DMWD: variants seen among roughly 807,000 people sequenced by gnomAD.
DMWD encodes DM1 locus, WD repeat containing.
Under a neutral mutation model 45.8 loss-of-function variants are expected in DMWD, and 19 were observed. That is an observed-to-expected ratio of 0.41 (90% CI 0.29 to 0.61). The LOEUF (loss-of-function observed/expected upper bound fraction) is 0.61, where lower values mean the gene tolerates loss of function less well. DMWD is among the 20% of genes least tolerant of loss of function. DMWD has a pLI of 0.25. For synonymous variants in DMWD, 515 were observed against 440.5 expected (o/e 1.17, Z -2.12); for missense variants, 802 against 965.2 (o/e 0.83, Z 2.24).
In DMWD at chr19:45,792,529, G is replaced by A. The variant is rs987882622; in HGVS notation, c.228C>T (p.Pro76=). The A allele has an allele frequency of 1.8e-6, 2 of 1,138,740 alleles. No homozygotes were observed. Among genetic ancestry groups the A allele is most frequent in the African/African-American group, 1.7e-5 (1 of 60,440 alleles). The allele number at this position is 1,138,740 out of a possible 1,614,324, so 70.5% of individuals were successfully genotyped here. A position where few individuals can be genotyped will look rare whatever the true frequency, so the allele number is the denominator to read the frequency against. Residue 76 remains proline (P), a synonymous_variant, in exon 1 of 5, where the codon CCC becomes CCT. Transcript: ENST00000270223. ...ASASGPGAAG[P]ASSPPPAGPG... ...GGCCTGCGGGCGGCGGGGACGACGC[G>A]GGGCCTGCAGCGCCGGGACCGGAGG... is the stretch of plus-strand genomic sequence containing the variant.
rs1353690980 is a variant in DMWD, at chr19:45,783,689, C to G, written c.*554G>C. ...TGCCTAGAACCACAGAGTACACACA[C>G]AGGTCCTCTACATCATCTCCTCCGA... is the stretch of plus-strand genomic sequence containing the variant. On this transcript the variant is annotated 3_prime_UTR_variant, in exon 5 of 5. Transcript: ENST00000270223. 4.7e-6 allele frequency: 2 copies of G among 421,204 alleles called. No homozygotes were observed. Among genetic ancestry groups the G allele is most frequent in the Non-Finnish European group, 8.3e-6 (2 of 241,288 alleles). The allele number at this position is 421,204 out of a possible 1,614,324, so 26.1% of individuals were successfully genotyped here.
Position 45,783,376 on chromosome 19 carries a change from A to C in DMWD, c.*867T>G, listed in dbSNP as rs1970210082. ...GGCCTTGAGAGGGCCAGGCCTGAGAAACTAGGAGGCAAGGACCGAGGAGTC... is the reference window on the plus strand; with the variant it reads ...GGCCTTGAGAGGGCCAGGCCTGAGACACTAGGAGGCAAGGACCGAGGAGTC... On this transcript the variant is annotated 3_prime_UTR_variant, in exon 5 of 5. Transcript: ENST00000270223. 2.6e-6 allele frequency: 1 copy of C among 390,186 alleles called. No individual in the cohort carries two copies. The highest frequency in any genetic ancestry group is 4.5e-5 in the Admixed American group (1 of 22,414). 24.2% of individuals were successfully genotyped at this position (390,186 alleles called of 1,614,324 possible).
At chr19:45,792,062 C>T (rs1183208166) in intron 1 of DMWD, among the ~76,000 whole-genome samples, 1 of 152,124 alleles carries the variant, frequency 6.6e-6, no homozygotes, top group Non-Finnish European at 1.5e-5. Flanking sequence ...CCAATAGTCA[C>T]CATCCCAGAA....
At position 45,784,729 on chromosome 19, in the gene DMWD, G is replaced by A. The variant is rs998168523; in HGVS notation, c.1903-14C>T. On this transcript the variant is annotated splice_polypyrimidine_tract_variant and intron_variant, in intron 3 of 4. Coordinates refer to ENST00000270223, the MANE Select transcript of DMWD (RefSeq NM_004943.2). ...CTCGTCTGTGAACTACGGAGACAGAGGGGTCTCTTTTAGGACTCAACCAGA... is the reference window on the plus strand; with the variant it reads ...CTCGTCTGTGAACTACGGAGACAGAAGGGTCTCTTTTAGGACTCAACCAGA... The A allele has an allele frequency of 1.2e-6, 2 of 1,612,860 alleles. No homozygotes were observed. Among genetic ancestry groups the A allele is most frequent in the Non-Finnish European group, 1.7e-6 (2 of 1,179,308 alleles).
At position 45,784,178 on chromosome 19, in the gene DMWD, C is replaced by A; in HGVS notation, c.*65G>T. ...TTGTTAATACGTTGATCTGTGAGGT[C>A]AGCAGGGAGGGTTATGGCTAGGAGG... is the stretch of plus-strand genomic sequence containing the variant. On this transcript the variant is annotated 3_prime_UTR_variant, in exon 5 of 5. Coordinates refer to ENST00000270223, the MANE Select transcript of DMWD (RefSeq NM_004943.2). 7.2e-7 allele frequency: 1 copy of A among 1,393,842 alleles called. No individual in the cohort carries two copies. Among genetic ancestry groups the A allele is most frequent in the South Asian group, 1.2e-5 (1 of 83,922 alleles). 86.3% of individuals were successfully genotyped at this position (1,393,842 alleles called of 1,614,324 possible). A position where few individuals can be genotyped will look rare whatever the true frequency, so the allele number is the denominator to read the frequency against.
chr19:45,789,391 T>C (rs73044299), intron 2 of DMWD: 3,917 of 152,296 alleles, frequency 0.026, 86 homozygotes, highest in Non-Finnish European at 0.04. Context: ...CCAAGAGCAG[T>C]CCCTGCCCGC....
intron 3 of DMWD, chr19:45,785,346 T>A (rs554141911): frequency 8.1e-7 from 1 of 1,230,254 alleles, no homozygotes; most frequent in African/African-American, 1.6e-5. Flanking sequence ...ACGGCCAGCC[T>A]TGGATGCCCC....
intron 3 of DMWD, 110 bp downstream of exon 3, chr19:45,785,484 C>T (rs1307051093): frequency 2.1e-6 from 3 of 1,404,748 alleles, no homozygotes; most frequent in Non-Finnish European, 2.8e-6. Context: ...TCCCCTCACC[C>T]CACGGAGCCA....
chr19:45,792,189 C>T (rs1249382723), intron 1 of DMWD, 127 bp downstream of exon 1: 1 of 1,395,772 alleles, frequency 7.2e-7, no homozygotes, highest in East Asian at 3.1e-5. Context: ...AATGCTGTCG[C>T]CCTACAACGT....
At chr19:45,791,965 A>G (rs73045960) in intron 1 of DMWD, among the ~76,000 whole-genome samples, 1,662 of 152,088 alleles carry the variant, frequency 0.011, 18 homozygotes, top group Non-Finnish European at 0.018. Context: ...CTGGGCTTGC[A>G]TCACCTCATG....
intron 4 of DMWD, 89 bp from the exon 5 acceptor site, chr19:45,784,379 C>T: frequency 1.4e-6 from 2 of 1,391,464 alleles, no homozygotes; most frequent in Admixed American, 2.4e-5. Context: ...CCCAGAGTCC[C>T]CAAAGCTGCT....
At position 45,786,041 on chromosome 19, in the gene DMWD, G is replaced by A. The variant is rs1192672837; in HGVS notation, c.1455C>T (p.Pro485=). Residue 485 remains proline, a synonymous_variant, in exon 3 of 5, where the codon CCC becomes CCT. Coordinates refer to ENST00000270223, the MANE Select transcript of DMWD (RefSeq NM_004943.2). ...TGGAGCGGGACAGCGAGCGAGGCAGGGGGCCTGGGCCAGGCTCGCCACCCC... is the reference window on the plus strand; with the variant it reads ...TGGAGCGGGACAGCGAGCGAGGCAGAGGGCCTGGGCCAGGCTCGCCACCCC... ...SSRGGEPGPG[P]LPRSLSRSNS... 1.4e-5 allele frequency: 21 copies of A among 1,535,786 alleles called. 1 individual carries two copies. Among genetic ancestry groups the A allele is most frequent in the South Asian group, 3.7e-5 (3 of 80,190 alleles).
chr19:45,788,734 G>A (rs926546351), intron 2 of DMWD, among the ~76,000 whole-genome samples: 1 of 151,626 alleles, frequency 6.6e-6, no homozygotes, highest in African/African-American at 2.4e-5. Context: ...TTCGAGACCA[G>A]CTTGGGCAAC....
rs1049170544 is a variant in DMWD at position 45,785,914 on chromosome 19, G to T, written c.1582C>A (p.Leu528Met). Residue 528 changes from leucine to methionine, a missense_variant, in exon 3 of 5, where the codon CTG becomes ATG. Transcript: ENST00000270223. The stretch of plus-strand genomic sequence containing the variant: ...GCCCCCCGGTCCCGCCGCTCCTGCA[G>T]TGTGAGCGTGGCGAAGCGGCCAATG... ...FSIGRFATLT[L>M]QERRDRGAEK... 1 of 1,603,264 alleles carries T rather than the reference G, an allele frequency of 6.2e-7. No homozygotes were observed. Among genetic ancestry groups the T allele is most frequent in the Non-Finnish European group, 8.5e-7 (1 of 1,179,300 alleles).
Position 45,783,456 on chromosome 19 carries a change from A to C in DMWD, c.*787T>G, listed in dbSNP as rs2070736. 0.27 allele frequency: 105,888 copies of C among 397,314 alleles called. 15,430 individuals are homozygous for C. Among genetic ancestry groups the C allele is most frequent in the Admixed American group, 0.39 (8,961 of 22,700 alleles). The allele number at this position is 397,314 out of a possible 1,614,324, so 24.6% of individuals were successfully genotyped here. On this transcript the variant is annotated 3_prime_UTR_variant, in exon 5 of 5. Transcript: ENST00000270223. ...CCTGGGCAGTTCTGATAATTTAAAA[A>C]ACACCGAGGACTTTGATGAGGGGCC...
intron 1 of DMWD, 74 bp downstream of exon 1, chr19:45,792,242 C>A (rs1970364395): frequency 1.3e-6 from 2 of 1,517,088 alleles, no homozygotes; most frequent in Non-Finnish European, 1.8e-6. Flanking sequence ...CATATCAATT[C>A]GGGGACCCTC....
Position 45,786,022 on chromosome 19 carries a change from G to A in DMWD, c.1474C>T (p.Arg492Cys), listed in dbSNP as rs779542002. ...GCTGGGTGCGGGAGACTGTTGGAGCGGGACAGCGAGCGAGGCAGGGGGCCT... is the reference window on the plus strand; with the variant it reads ...GCTGGGTGCGGGAGACTGTTGGAGCAGGACAGCGAGCGAGGCAGGGGGCCT... ...GPGPLPRSLSRSNSLPHPAGG... is the reference protein window; with the variant it reads ...GPGPLPRSLSCSNSLPHPAGG... Residue 492 changes from arginine (R) to cysteine (C), a missense_variant, in exon 3 of 5, where the codon CGC becomes TGC. Coordinates refer to ENST00000270223, the MANE Select transcript of DMWD (RefSeq NM_004943.2). The A allele has an allele frequency of 2.6e-6, 4 of 1,551,050 alleles. No individual in the cohort carries two copies. Among genetic ancestry groups the A allele is most frequent in the Admixed American group, 1.9e-5 (1 of 53,686 alleles).
intron 3 of DMWD, chr19:45,785,310 T>C (rs1306395056): frequency 2.9e-5 from 34 of 1,191,446 alleles, no homozygotes; most frequent in Non-Finnish European, 3.3e-5. Flanking sequence ...GACCTGGCCA[T>C]GTGGGGCCCA....
chr19:45,787,592 G>A (rs1207321886), intron 2 of DMWD, among the ~76,000 whole-genome samples: 3 of 152,206 alleles, frequency 2.0e-5, no homozygotes, highest in African/African-American at 4.8e-5. Context: ...CAAAGGAAGC[G>A]ATCTTTGTTT....
Sources: gnomAD v4.1 joint callset for allele counts (sites outside exome capture counted in the v4.1 genomes callset) on GRCh38, gnomAD v4.1.1 for gene constraint, MANE v1.5 for transcripts, NCBI Gene and HGNC (gene_info 2026-07-23, HGNC 2026-07-21) for gene names.